STARD13: variants seen among roughly 807,000 people sequenced by gnomAD.
STARD13 encodes the protein stAR-related lipid transfer protein 13.
In STARD13, 62 loss-of-function variants were observed where a neutral mutation model predicts 106.4. That is an observed-to-expected ratio of 0.58 (90% CI 0.48 to 0.72). The LOEUF is 0.72. Among genes scored for constraint, STARD13 ranks in the 30% least tolerant of loss-of-function variants. The pLI is 0.00. For synonymous variants in STARD13, 565 were observed against 553.0 expected, an observed-to-expected ratio of 1.02 and a Z score of -0.31; for missense variants, 1,387 against 1,424.0, an observed-to-expected ratio of 0.97 and a Z score of 0.42.
At chr13:33,206,220 C>T (rs1057032648) in intron 1 of STARD13, among the ~76,000 whole-genome samples, 2 of 152,238 alleles carry the variant, frequency 1.3e-5, no homozygotes, top group Admixed American at 6.5e-5. Flanking sequence ...CCTAGGCACC[C>T]CCACCGCTAG....
chr13:33,366,949 AG>A, the STARD13 span, among the ~76,000 whole-genome samples: 1 of 152,236 alleles, frequency 6.6e-6, no homozygotes, highest in Non-Finnish European at 1.5e-5. This position sits in a 1 kb window ranked among gnomAD's most constrained non-coding sequence, Gnocchi z 4.2. Context: ...TCAAGCTAAA[AG>A]TTTATTTTCT....
the STARD13 span, among the ~76,000 whole-genome samples, chr13:33,504,130 A>T: frequency 0.042 from 6,359 of 152,264 alleles, 424 homozygotes; most frequent in African/African-American, 0.14. Context: ...GATGTGGAGA[A>T]ATAGGAACAC....
Position 33,285,597 on chromosome 13 carries a change from G to A in STARD13, c.42C>T (p.Tyr14=). 6.2e-7 allele frequency: 1 copy of A among 1,613,870 alleles called. No homozygotes were observed. Among genetic ancestry groups the A allele is most frequent in the Non-Finnish European group, 8.5e-7 (1 of 1,179,900 alleles). ...CCTCAGGTGTCATGGAATTTAGGTAGTAGCAGCCTGAGGCTGGGGTCCTGG... is the reference window on the plus strand; with the variant it reads ...CCTCAGGTGTCATGGAATTTAGGTAATAGCAGCCTGAGGCTGGGGTCCTGG... The part of the protein sequence containing the change: ...QVPRTPASGC[Y]YLNSMTPEGQ... Residue 14 remains tyrosine (Y), a synonymous_variant, in exon 1 of 14, where the codon TAC becomes TAT. Coordinates refer to ENST00000336934, the MANE Select transcript of STARD13 (RefSeq NM_178006.4).
intron 1 of STARD13, among the ~76,000 whole-genome samples, chr13:33,211,138 A>C (rs915002045): frequency 3.9e-5 from 6 of 151,908 alleles, no homozygotes; most frequent in Non-Finnish European, 8.8e-5. Flanking sequence ...ATCAAAGAAT[A>C]TCTAACACAC....
intron 8 of STARD13, chr13:33,117,835 G>T: frequency 1.0e-6 from 1 of 984,960 alleles, no homozygotes; most frequent in African/African-American, 1.7e-5. Flanking sequence ...ACTCTTTTGA[G>T]AAGGAATATT....
the STARD13 span, among the ~76,000 whole-genome samples, chr13:33,494,946 C>T: frequency 8.1e-3 from 1,227 of 152,224 alleles, 12 homozygotes; most frequent in African/African-American, 0.028. Flanking sequence ...AGGGTTCCCA[C>T]GACAAGTCTT....
chr13:33,466,529 A>G, the STARD13 span, among the ~76,000 whole-genome samples: 12 of 152,194 alleles, frequency 7.9e-5, no homozygotes, highest in Non-Finnish European at 1.8e-4. Context: ...ACCTTCCAAT[A>G]TTTTAATGCT....
At chr13:33,632,690 G>T in the STARD13 span, among the ~76,000 whole-genome samples, 41 of 152,064 alleles carry the variant, frequency 2.7e-4, no homozygotes, top group Non-Finnish European at 1.0e-4. Context: ...CTGATTTGTG[G>T]GTTTTACTCT....
intron 1 of STARD13, among the ~76,000 whole-genome samples, chr13:33,245,835 T>C (rs1038108082): frequency 2.6e-5 from 4 of 152,234 alleles, no homozygotes; most frequent in South Asian, 4.1e-4. Context: ...AAATAGATTT[T>C]CTTTTCTTTC....
upstream of STARD13, chr13:33,285,821 C>G: frequency 7.3e-7 from 1 of 1,367,344 alleles, no homozygotes; most frequent in Non-Finnish European, 9.5e-7. Flanking sequence ...CACGTGACCT[C>G]GGGAACCAAT....
In STARD13 at chr13:33,254,272, G is replaced by A. The variant is rs147906141; in HGVS notation, c.169+31198C>T. ...ACCTCAACAGAGTGGATATGCCAAG[G>A]GGTAGTCAGGACAATAGGCTTAACA... On this transcript the variant is annotated intron_variant, in intron 1 of 13. Transcript: ENST00000336934. Among the ~76,000 whole-genome samples, 52 of 152,308 alleles carry A rather than the reference G, an allele frequency of 3.4e-4. No individual in the cohort carries two copies. The East Asian group carries it at 9.1e-3, about 27-fold the overall frequency.
intron 1 of STARD13, among the ~76,000 whole-genome samples, chr13:33,333,217 C>T (rs1191711901): frequency 6.6e-6 from 1 of 151,892 alleles, no homozygotes; most frequent in Non-Finnish European, 1.5e-5. Context: ...TGATGAAACC[C>T]CATCTCTACT....
chr13:33,541,299 C>T, the STARD13 span, among the ~76,000 whole-genome samples: 1 of 152,198 alleles, frequency 6.6e-6, no homozygotes, highest in African/African-American at 2.4e-5. Flanking sequence ...TCTTCCAGAT[C>T]ACTCTTTGAA....
chr13:33,670,463 A>G, the STARD13 span, among the ~76,000 whole-genome samples: 2 of 152,222 alleles, frequency 1.3e-5, no homozygotes, highest in Non-Finnish European at 2.9e-5. Flanking sequence ...TTATTTCACA[A>G]GTACAAATTC....
At chr13:33,242,779 G>A (rs1019113094) in intron 1 of STARD13, among the ~76,000 whole-genome samples, 1 of 152,072 alleles carries the variant, frequency 6.6e-6, no homozygotes, top group East Asian at 1.9e-4. Context: ...AATAAAAAAA[G>A]TATGGAGTTA....
chr13:33,560,506 C>T, the STARD13 span, among the ~76,000 whole-genome samples: 1 of 151,220 alleles, frequency 6.6e-6, no homozygotes, highest in Admixed American at 6.6e-5. Context: ...ACCTCAAAAT[C>T]TAGACAGTAT....
At chr13:33,495,340 C>A in the STARD13 span, among the ~76,000 whole-genome samples, 1 of 152,248 alleles carries the variant, frequency 6.6e-6, no homozygotes, top group African/African-American at 2.4e-5. Context: ...GAATTTTGAA[C>A]TTGTCTTTTA....
Position 33,259,996 on chromosome 13 carries a change from CAAAAA to C in STARD13, c.169+25469_169+25473del, listed in dbSNP as rs35410044. The stretch of plus-strand genomic sequence containing the variant: ...GGGTAAGAAAGTGAGATTCCATCTC[CAAAAA>C]AAAAAAAAAAAAAAAAAATTAGACA... On this transcript the variant is annotated intron_variant, in intron 1 of 13. Coordinates refer to ENST00000336934, the MANE Select transcript of STARD13 (RefSeq NM_178006.4). Among the ~76,000 whole-genome samples, 991 of 101,992 alleles carry C rather than the reference CAAAAA, an allele frequency of 9.7e-3. 21 individuals carry two copies. The highest frequency in any genetic ancestry group is 0.032 in the African/African-American group (903 of 28,132). 66.9% of individuals were successfully genotyped at this position (101,992 alleles called of 152,430 possible).
the STARD13 span, among the ~76,000 whole-genome samples, chr13:33,601,233 G>C: frequency 6.9e-5 from 10 of 145,512 alleles, no homozygotes; most frequent in African/African-American, 2.5e-4. Flanking sequence ...TTTTTCTGCT[G>C]TGGCCAGCAG....
Sources: allele counts gnomAD v4.1 joint callset (sites outside exome capture counted in the v4.1 genomes callset), GRCh38; gene constraint gnomAD v4.1.1; non-coding constraint Gnocchi (gnomAD v3.1); transcripts MANE v1.5; gene names NCBI Gene and HGNC (gene_info 2026-07-23, HGNC 2026-07-21).